The following NRXN1 variants were observed in gnomAD, a reference collection of about 807,000 sequenced individuals.
The protein encoded by NRXN1 is neurexin 1, also known as neurexin-1.
In NRXN1, 39 loss-of-function variants were observed where a neutral mutation model predicts 150.9. That is an observed-to-expected ratio of 0.26 (90% CI 0.20 to 0.34). NRXN1 has a LOEUF of 0.34. NRXN1 is among the 10% of genes least tolerant of loss of function. NRXN1 has a pLI of 1.00. For synonymous variants in NRXN1, 924 were observed against 757.0 expected (o/e 1.22, Z -3.62); for missense variants, 1,815 against 1,949.9 (o/e 0.93, Z 1.30).
intron 22 of NRXN1, among the ~76,000 whole-genome samples, chr2:49,927,737 G>A (rs991522115): frequency 6.6e-6 from 1 of 152,110 alleles, no homozygotes; most frequent in Non-Finnish European, 1.5e-5. Context: ...TGGGTGGTGG[G>A]ACCTTATCTT....
At chr2:50,326,536 A>C (rs2076395179) in intron 17 of NRXN1, among the ~76,000 whole-genome samples, 1 of 152,280 alleles carries the variant, frequency 6.6e-6, no homozygotes, top group South Asian at 2.1e-4. Context: ...GAAATACCAA[A>C]GGGGCAGGTA....
rs764391538 is a variant in NRXN1 at position 50,608,842 on chromosome 2, T to C, written c.1320+11180A>G. Among the ~76,000 whole-genome samples, 186 of 152,234 alleles carry C rather than the reference T, an allele frequency of 1.2e-3. 6 individuals carry two copies. Among genetic ancestry groups the C allele is most frequent in the Non-Finnish European group, 8.2e-4 (56 of 68,008 alleles). On this transcript the variant is annotated intron_variant, in intron 8 of 22. Coordinates refer to ENST00000401669, the MANE Select transcript of NRXN1 (RefSeq NM_001330078.2). ...CTGAAAAATAATGCGAAATGAAATC[T>C]GATGATGACAATGATAACATTCTTA...
chr2:50,727,601 C>T (rs1697548117), intron 5 of NRXN1, among the ~76,000 whole-genome samples: 1 of 151,914 alleles, frequency 6.6e-6, no homozygotes, highest in East Asian at 1.9e-4. Flanking sequence ...AAACCTAACA[C>T]CTAGATAGTG....
At position 50,800,590 on chromosome 2, in the gene NRXN1, C is replaced by A. The variant is rs1349717664; in HGVS notation, c.832+121279G>T. Among the ~76,000 whole-genome samples the A allele has an allele frequency of 2.0e-5, 3 of 152,056 alleles. No individual in the cohort carries two copies. The East Asian group carries it at 5.8e-4, about 29-fold the overall frequency. ...TTAAGACAAAGTTTCACTCTTGTTGCCCAGAATGGAGCACAATGGCGCGAT... is the reference window on the plus strand; with the variant it reads ...TTAAGACAAAGTTTCACTCTTGTTGACCAGAATGGAGCACAATGGCGCGAT... On this transcript the variant is annotated intron_variant, in intron 5 of 22. Coordinates refer to ENST00000401669, the MANE Select transcript of NRXN1 (RefSeq NM_001330078.2).
chr2:49,925,281 CAAAA>C (rs772838099), intron 22 of NRXN1, among the ~76,000 whole-genome samples: 12 of 80,958 alleles, frequency 1.5e-4, no homozygotes, highest in Non-Finnish European at 1.0e-4. Context: ...CTGCCTCAAC[CAAAA>C]AAAAAAAAAA....
At chr2:50,497,818 C>A (rs1219653624) in intron 13 of NRXN1, 104 bp from the exon 14 acceptor site, 5 of 1,030,424 alleles carry the variant, frequency 4.9e-6, no homozygotes, top group East Asian at 2.4e-5. Flanking sequence ...GAGCCAAATC[C>A]CTCCTTGGTA....
intron 21 of NRXN1, among the ~76,000 whole-genome samples, chr2:50,012,997 C>A (rs1165722557): frequency 2.0e-5 from 3 of 151,960 alleles, no homozygotes; most frequent in Admixed American, 1.3e-4. Context: ...GGGGGAGAAA[C>A]CCTACCTGCT....
intron 8 of NRXN1, among the ~76,000 whole-genome samples, chr2:50,580,697 C>G (rs1672131836): frequency 2.6e-5 from 4 of 152,118 alleles, no homozygotes; most frequent in Admixed American, 2.0e-4. Flanking sequence ...TTCTAGATAT[C>G]TGAAAACTGA....
chr2:50,422,142 G>T (rs1487383789), intron 17 of NRXN1, among the ~76,000 whole-genome samples: 1 of 152,062 alleles, frequency 6.6e-6, no homozygotes, highest in Non-Finnish European at 1.5e-5. Context: ...AAAATAAAAA[G>T]TATAATTTCT....
At chr2:50,380,318 T>C (rs556642915) in intron 17 of NRXN1, among the ~76,000 whole-genome samples, 2 of 151,932 alleles carry the variant, frequency 1.3e-5, no homozygotes, top group East Asian at 1.9e-4. Context: ...GTATTTTTTT[T>C]CCCAAGAGAA....
At chr2:50,662,269 G>A (rs1687406813) in intron 5 of NRXN1, among the ~76,000 whole-genome samples, 1 of 151,898 alleles carries the variant, frequency 6.6e-6, no homozygotes, top group African/African-American at 2.4e-5. Flanking sequence ...GGGAGTTAGT[G>A]GCCACCTACA....
intron 5 of NRXN1, among the ~76,000 whole-genome samples, chr2:50,684,549 T>C (rs1030352751): frequency 6.6e-6 from 1 of 151,894 alleles, no homozygotes; most frequent in Non-Finnish European, 1.5e-5. Context: ...TTGAGAAAAA[T>C]TGAATGAAGA....
At chr2:50,362,139 T>C (rs1219922313) in intron 17 of NRXN1, among the ~76,000 whole-genome samples, 1 of 152,048 alleles carries the variant, frequency 6.6e-6, no homozygotes, top group Admixed American at 6.6e-5. Context: ...CCACAACAAA[T>C]ATCATACTGA....
chr2:50,100,433 T>G (rs1048550463), intron 18 of NRXN1, among the ~76,000 whole-genome samples: 1 of 152,076 alleles, frequency 6.6e-6, no homozygotes, highest in Non-Finnish European at 1.5e-5. Flanking sequence ...CAAAACAATG[T>G]CAAGATGAAT....
At chr2:50,453,406 TA>T (rs1199270274) in intron 17 of NRXN1, among the ~76,000 whole-genome samples, 3 of 152,314 alleles carry the variant, frequency 2.0e-5, no homozygotes, top group African/African-American at 7.2e-5. Flanking sequence ...TTAGTCTAAT[TA>T]CCTTCTTTTT....
chr2:50,254,921 C>T (rs1032866463), intron 17 of NRXN1, among the ~76,000 whole-genome samples: 11 of 152,072 alleles, frequency 7.2e-5, no homozygotes, highest in African/African-American at 2.7e-4. Context: ...ATCCTCCCAC[C>T]TCAGCCTCCC....
intron 5 of NRXN1, among the ~76,000 whole-genome samples, chr2:50,886,720 C>G (rs2103770232): frequency 6.6e-6 from 1 of 151,458 alleles, no homozygotes; most frequent in African/African-American, 2.4e-5. Flanking sequence ...GCTGACTGAA[C>G]AGTCATGAGA....
chr2:50,424,326 A>G (rs1403599036), intron 17 of NRXN1, among the ~76,000 whole-genome samples: 4 of 104,068 alleles, frequency 3.8e-5, no homozygotes, highest in African/African-American at 1.4e-4. Flanking sequence ...GAGGAGGAGG[A>G]GGAGGGGGAG....
intron 21 of NRXN1, among the ~76,000 whole-genome samples, chr2:50,022,427 T>C (rs1387173140): frequency 2.6e-5 from 4 of 152,232 alleles, no homozygotes; most frequent in Non-Finnish European, 5.9e-5. Flanking sequence ...ATTAGATACA[T>C]AGAATGACAG....
Sources: gnomAD v4.1 joint callset for allele counts (sites outside exome capture counted in the v4.1 genomes callset) on GRCh38, gnomAD v4.1.1 for gene constraint, MANE v1.5 for transcripts, NCBI Gene and HGNC (gene_info 2026-07-23, HGNC 2026-07-21) for gene names.